The following PROCR variants were observed in gnomAD, a reference collection of about 807,000 sequenced individuals.
PROCR encodes protein C receptor.
Under a neutral mutation model 24.2 loss-of-function variants are expected in PROCR, and 22 were observed. The ratio of observed to expected loss-of-function variants is 0.91; its 90% confidence interval spans 0.65 to 1.30. The LOEUF is 1.30. Ranked by LOEUF, PROCR falls within the 50% of genes most tolerant of loss-of-function variation. The pLI is 0.00. For synonymous variants in PROCR, 137 were observed against 139.2 expected (o/e 0.98, Z 0.11); for missense variants, 288 against 307.7 (o/e 0.94, Z 0.48).
At chr20:35,175,681 T>A (rs1482730223) in intron 2 of PROCR, among the ~76,000 whole-genome samples, 1 of 137,960 alleles carries the variant, frequency 7.2e-6, no homozygotes, top group Non-Finnish European at 1.5e-5. Flanking sequence ...GCCTCCCGGG[T>A]TCAAGCGATT....
At chr20:35,213,387 C>T (rs993550036) in intron 1 of PROCR, among the ~76,000 whole-genome samples, 3 of 151,528 alleles carry the variant, frequency 2.0e-5, no homozygotes, top group East Asian at 1.9e-4. Flanking sequence ...TTTAGTCCTT[C>T]GCCATTATTG....
At chr20:35,191,803 T>A (rs1008527601) in intron 1 of PROCR, among the ~76,000 whole-genome samples, 1 of 152,196 alleles carries the variant, frequency 6.6e-6, no homozygotes, top group African/African-American at 2.4e-5. Context: ...TGTACTTTGC[T>A]ATTTGTTCTG....
downstream of PROCR, among the ~76,000 whole-genome samples, chr20:35,182,040 A>G (rs958938754): frequency 6.6e-6 from 1 of 152,350 alleles, no homozygotes; most frequent in South Asian, 2.1e-4. Flanking sequence ...TCAAGAGTCA[A>G]TATCCTGAGT....
downstream of PROCR, among the ~76,000 whole-genome samples, chr20:35,182,310 C>CT (rs1355856094): frequency 4.6e-5 from 7 of 151,920 alleles, no homozygotes; most frequent in Admixed American, 1.3e-4. Flanking sequence ...CATATATTAT[C>CT]TTTTTTTTGA....
At chr20:35,181,835 G>A (rs2086081797), downstream of PROCR, among the ~76,000 whole-genome samples, 1 of 152,134 alleles carries the variant, frequency 6.6e-6, no homozygotes, top group Non-Finnish European at 1.5e-5. Context: ...TATATTGGAA[G>A]GTTATTAAGT....
In PROCR at chr20:35,176,238, C is replaced by A; in HGVS notation, c.393C>A (p.Phe131Leu). The A allele has an allele frequency of 1.9e-6, 3 of 1,614,178 alleles. No homozygotes were observed. The highest frequency in any genetic ancestry group is 1.6e-4 in the Middle Eastern group (1 of 6,062). ...AGGGCTCTAGAGCCCATGTCTTCTT[C>A]GAAGTGGCTGTGAATGGGAGCTCCT... The part of the protein sequence containing the change: ...PPEGSRAHVF[F>L]EVAVNGSSFV... The change falls in exon 3 of 4, where the codon TTC (phenylalanine) becomes TTA (leucine). Residue 131 changes from phenylalanine to leucine, a missense_variant. Physicochemically the swap from Phe to Leu is conservative, Grantham distance 22. Coordinates refer to ENST00000216968, the MANE Select transcript of PROCR (RefSeq NM_006404.5).
chr20:35,171,739 T>TGCTGATCA, upstream of PROCR, among the ~76,000 whole-genome samples: 1 of 152,270 alleles, frequency 6.6e-6, no homozygotes, highest in African/African-American at 2.4e-5. Flanking sequence ...ATCAGCAACC[T>TGCTGATCA]GCTGATCCTA....
chr20:35,197,893 C>T (rs993005126), intron 1 of PROCR, among the ~76,000 whole-genome samples: 1 of 151,492 alleles, frequency 6.6e-6, no homozygotes, highest in Non-Finnish European at 1.5e-5. Flanking sequence ...TATGATTAAG[C>T]TTAGTGAGGA....
chr20:35,192,624 A>G (rs6142313), intron 1 of PROCR, among the ~76,000 whole-genome samples: 62,258 of 151,820 alleles, frequency 0.41, 13,469 homozygotes, highest in East Asian at 0.64. Context: ...TTTTACTGGG[A>G]GCCATCGTAT....
At chr20:35,175,761 T>A (rs1164847345) in intron 2 of PROCR, among the ~76,000 whole-genome samples, 1 of 151,708 alleles carries the variant, frequency 6.6e-6, no homozygotes. Context: ...ATTTTTTGTA[T>A]TTTTAGTAGA....
At chr20:35,177,368 A>T (rs1468927542), downstream of PROCR, 1 of 980,918 alleles carries the variant, frequency 1.0e-6, no homozygotes, top group African/African-American at 1.8e-5. Flanking sequence ...AGGCATTGTT[A>T]TCTCCTCCAC....
chr20:35,191,757 G>A (rs2086175514), intron 1 of PROCR, among the ~76,000 whole-genome samples: 1 of 152,190 alleles, frequency 6.6e-6, no homozygotes. Flanking sequence ...GAAAGAGCAG[G>A]AGGCAAATAA....
At chr20:35,215,797 G>A in intron 1 of PROCR, 4 of 887,306 alleles carry the variant, frequency 4.5e-6, no homozygotes, top group Non-Finnish European at 5.4e-6. Context: ...GTTAGCTGCT[G>A]AAATAGGAAT....
chr20:35,190,451 C>A (rs760491245), intron 1 of PROCR, among the ~76,000 whole-genome samples: 1 of 152,226 alleles, frequency 6.6e-6, no homozygotes, highest in Non-Finnish European at 1.5e-5. Context: ...TCTTTCCTCT[C>A]ACAACCTTGC....
intron 1 of PROCR, among the ~76,000 whole-genome samples, chr20:35,196,180 C>CAAAAAA (rs68132775): frequency 1.6e-5 from 1 of 63,444 alleles, no homozygotes; most frequent in Non-Finnish European, 2.7e-5. Context: ...AGACTGCCTC[C>CAAAAAA]AAAAAAAAAA....
chr20:35,190,979 C>T (rs1225353001), intron 1 of PROCR, among the ~76,000 whole-genome samples: 1 of 152,130 alleles, frequency 6.6e-6, no homozygotes, highest in Non-Finnish European at 1.5e-5. Flanking sequence ...CCTGCCTCAG[C>T]CTCCTGAGTA....
upstream of PROCR, among the ~76,000 whole-genome samples, chr20:35,171,328 T>C (rs983139742): frequency 6.6e-6 from 1 of 152,204 alleles, no homozygotes; most frequent in Admixed American, 6.5e-5. Flanking sequence ...CATAACACTT[T>C]CTCTTACTAA....
downstream of PROCR, among the ~76,000 whole-genome samples, chr20:35,177,795 A>T (rs1227546856): frequency 6.6e-6 from 1 of 152,012 alleles, no homozygotes; most frequent in East Asian, 1.9e-4. Flanking sequence ...ATCACCAGTA[A>T]CCTCTAATTG....
At chr20:35,203,624 A>T (rs2060327254) in intron 1 of PROCR, among the ~76,000 whole-genome samples, 1 of 149,408 alleles carries the variant, frequency 6.7e-6, no homozygotes, top group South Asian at 2.1e-4. Context: ...CTCAAAAAAA[A>T]AGAAAAAAAA....
Sources: gnomAD v4.1 joint callset for allele counts (sites outside exome capture counted in the v4.1 genomes callset) on GRCh38, gnomAD v4.1.1 for gene constraint, MANE v1.5 for transcripts, NCBI Gene and HGNC (gene_info 2026-07-23, HGNC 2026-07-21) for gene names.